LMCD1: variants seen among roughly 807,000 people sequenced by gnomAD.
The protein encoded by LMCD1 is LIM and cysteine-rich domains protein 1.
Under a neutral mutation model 42.7 loss-of-function variants are expected in LMCD1, and 32 were observed. The observed-to-expected ratio is 0.75, with a 90% CI of 0.57 to 1.01. The LOEUF (loss-of-function observed/expected upper bound fraction) is 1.01. Among genes scored for constraint, LMCD1 ranks in the 50% least tolerant of loss-of-function variants. The pLI is 0.00. For synonymous variants in LMCD1, 178 were observed against 184.9 expected (o/e 0.96, Z 0.30); for missense variants, 458 against 483.1 (o/e 0.95, Z 0.49).
intron 2 of LMCD1, among the ~76,000 whole-genome samples, chr3:8,533,757 A>G (rs771759090): frequency 1.1e-4 from 16 of 152,148 alleles, no homozygotes; most frequent in Non-Finnish European, 1.9e-4. Context: ...AAGGTAGGCA[A>G]TGGGGCAACA....
chr3:8,561,986 G>A (rs56026324), intron 4 of LMCD1, among the ~76,000 whole-genome samples: 4,001 of 152,230 alleles, frequency 0.026, 118 homozygotes, highest in Non-Finnish European at 0.035. Flanking sequence ...ATAAATGTGC[G>A]ATGGATGGAT....
chr3:8,525,438 G>A (rs1448649839), intron 1 of LMCD1, among the ~76,000 whole-genome samples: 1 of 152,090 alleles, frequency 6.6e-6, no homozygotes, highest in Non-Finnish European at 1.5e-5. Flanking sequence ...GTGGGTGTAT[G>A]TGCCACATTT....
At chr3:8,517,577 G>A (rs1484183071) in intron 1 of LMCD1, among the ~76,000 whole-genome samples, 1 of 152,164 alleles carries the variant, frequency 6.6e-6, no homozygotes, top group Non-Finnish European at 1.5e-5. Context: ...TGACAACATT[G>A]AACCATGTTA....
chr3:8,511,198 T>C (rs535577906), intron 1 of LMCD1, among the ~76,000 whole-genome samples: 3 of 152,234 alleles, frequency 2.0e-5, no homozygotes, highest in Non-Finnish European at 4.4e-5. Context: ...GGAATGTGTG[T>C]TAAACACAAG....
At chr3:8,551,023 A>G (rs1221470635) in intron 4 of LMCD1, 1 of 985,426 alleles carries the variant, frequency 1.0e-6, no homozygotes, top group East Asian at 1.1e-4. Context: ...TAGCAATACT[A>G]GACAGTAAAT....
intron 4 of LMCD1, among the ~76,000 whole-genome samples, chr3:8,555,676 T>C (rs963298295): frequency 6.0e-5 from 9 of 149,304 alleles, no homozygotes; most frequent in Non-Finnish European, 8.9e-5. Flanking sequence ...TATACTATAC[T>C]ATAAATACTT....
chr3:8,516,485 C>T (rs1453245250), intron 1 of LMCD1, among the ~76,000 whole-genome samples: 2 of 152,096 alleles, frequency 1.3e-5, no homozygotes, highest in East Asian at 1.9e-4. Flanking sequence ...AGGAAAGTGG[C>T]GGAATCATTG....
At chr3:8,515,101 A>G (rs1212892867) in intron 1 of LMCD1, 2 of 439,104 alleles carry the variant, frequency 4.6e-6, no homozygotes, top group Non-Finnish European at 9.2e-6. Context: ...AGGCCAAAGC[A>G]TGGAAAGTGA....
At chr3:8,502,015 T>A in intron 1 of LMCD1, 35 bp downstream of exon 1, 2 of 1,437,356 alleles carry the variant, frequency 1.4e-6, no homozygotes, top group Non-Finnish European at 1.8e-6. Flanking sequence ...ACCCAGATTC[T>A]TACTTTTTCT....
chr3:8,549,747 C>A (rs1694805411), intron 4 of LMCD1: 1 of 696,862 alleles, frequency 1.4e-6, no homozygotes, highest in South Asian at 1.5e-5. Context: ...AGTCCAAGGC[C>A]AAGGGGCTGC....
chr3:8,549,262 G>A (rs537480970), intron 4 of LMCD1, among the ~76,000 whole-genome samples: 1 of 152,286 alleles, frequency 6.6e-6, no homozygotes, highest in South Asian at 2.1e-4. Context: ...GCTTTGAGGG[G>A]AGGATGTGTA....
chr3:8,537,160 C>G (rs770146546), intron 2 of LMCD1, 25 bp from the exon 3 acceptor site: 1 of 1,609,720 alleles, frequency 6.2e-7, no homozygotes, highest in South Asian at 1.1e-5. Context: ...GTTAATCTCA[C>G]TGGTCCCCAT....
chr3:8,549,909 A>G, intron 4 of LMCD1: 1 of 793,552 alleles, frequency 1.3e-6, no homozygotes. Flanking sequence ...CCATTAATCT[A>G]TTAAGCCATA....
chr3:8,518,269 A>C (rs1211578760), intron 1 of LMCD1, among the ~76,000 whole-genome samples: 1 of 152,212 alleles, frequency 6.6e-6, no homozygotes, highest in Admixed American at 6.5e-5. Context: ...TGCAAGGCTT[A>C]CTGACTCACT....
At position 8,574,294 on chromosome 3, in the gene LMCD1, C is replaced by A. The variant is rs1695267780; in HGVS notation, c.*6696C>A. Reference sequence around the variant, plus strand: ...GATTGGCAATACCTTCATCGTGGGCCAACCACTGTGGGGAAGGGGGAGGGA... The same window carrying A: ...GATTGGCAATACCTTCATCGTGGGCAAACCACTGTGGGGAAGGGGGAGGGA... On this transcript the variant is annotated 3_prime_UTR_variant, in exon 6 of 6. Coordinates refer to ENST00000157600, the MANE Select transcript of LMCD1 (RefSeq NM_014583.4). 1.3e-5 allele frequency: 2 copies of A among 152,380 alleles called. No individual in the cohort carries two copies. The highest frequency in any genetic ancestry group is 1.3e-4 in the Admixed American group (2 of 15,278). 9.4% of individuals were successfully genotyped at this position (152,380 alleles called of 1,614,324 possible).
At chr3:8,504,400 A>G (rs917077718) in intron 1 of LMCD1, among the ~76,000 whole-genome samples, 102 of 152,270 alleles carry the variant, frequency 6.7e-4, no homozygotes, top group African/African-American at 2.4e-3. Flanking sequence ...AATTTCATAG[A>G]CTCTTAGAGC....
At chr3:8,546,001 C>G (rs1694727925) in intron 3 of LMCD1, among the ~76,000 whole-genome samples, 1 of 152,138 alleles carries the variant, frequency 6.6e-6, no homozygotes, top group African/African-American at 2.4e-5. Context: ...ATGGCTCACG[C>G]CTATAATCCC....
chr3:8,535,161 T>G (rs1694487172), intron 2 of LMCD1, among the ~76,000 whole-genome samples: 1 of 152,164 alleles, frequency 6.6e-6, no homozygotes, highest in South Asian at 2.1e-4. Context: ...CTCCTTCCAC[T>G]TCCAGCCCTG....
chr3:8,570,320 G>A lies in LMCD1; in HGVS notation c.*2722G>A, dbSNP rs974500031. On this transcript the variant is annotated 3_prime_UTR_variant, in exon 6 of 6. Transcript: ENST00000157600. ...GCCTTCAAACAGCTTTAAGGAGGGG[G>A]TGGTGATGGCTGGACAGGGAGATCA... is the stretch of plus-strand genomic sequence containing the variant. The A allele has an allele frequency of 2.6e-5, 4 of 152,364 alleles. No homozygotes were observed. The highest frequency in any genetic ancestry group is 7.2e-5 in the African/African-American group (3 of 41,418). The allele number at this position is 152,364 out of a possible 1,614,324, so 9.4% of individuals were successfully genotyped here.
Sources: allele counts gnomAD v4.1 joint callset (sites outside exome capture counted in the v4.1 genomes callset), GRCh38; gene constraint gnomAD v4.1.1; transcripts MANE v1.5; gene names NCBI Gene and HGNC (gene_info 2026-07-23, HGNC 2026-07-21).